MICAL3: variants seen among roughly 807,000 people sequenced by gnomAD.
MICAL3 encodes [F-actin]-monooxygenase MICAL3.
In MICAL3, 62 loss-of-function variants were observed where a neutral mutation model predicts 207.4. The ratio of observed to expected loss-of-function variants is 0.30; its 90% CI spans 0.24 to 0.37. The LOEUF (loss-of-function observed/expected upper bound fraction) is 0.37, where lower values mean the gene tolerates loss of function less well. Among genes scored for constraint, MICAL3 ranks in the 10% least tolerant of loss-of-function variants. MICAL3 has a pLI of 1.00. For synonymous variants in MICAL3, 1,077 were observed against 1,069.3 expected (o/e 1.01, Z -0.14); for missense variants, 2,368 against 2,635.6 (o/e 0.90, Z 2.22).
intron 20 of MICAL3, 69 bp from the exon 21 acceptor site, chr22:17,832,176 C>T: frequency 1.3e-6 from 2 of 1,518,438 alleles, no homozygotes; most frequent in Non-Finnish European, 1.8e-6. Flanking sequence ...AGGGGAAGGG[C>T]CACCATCAGA....
Position 17,817,307 on chromosome 22 carries a change from G to A in MICAL3, c.5350+4C>T, listed in dbSNP as rs1174754605. 1.3e-5 allele frequency: 21 copies of A among 1,585,444 alleles called. No individual in the cohort carries two copies. The highest frequency in any genetic ancestry group is 1.7e-5 in the Non-Finnish European group (20 of 1,165,952). The stretch of plus-strand genomic sequence containing the variant: ...CCTGCACGCGGACCCGGCTGCTGAC[G>A]CACCTGCCCTTACGACGGGAAGCAC... On this transcript the variant is annotated splice_donor_region_variant and intron_variant, in intron 26 of 31. Coordinates refer to ENST00000441493, the MANE Select transcript of MICAL3 (RefSeq NM_015241.3).
chr22:17,984,586 G>A (rs896449433), intron 1 of MICAL3, among the ~76,000 whole-genome samples: 12 of 150,820 alleles, frequency 8.0e-5, no homozygotes, highest in African/African-American at 2.9e-4. Context: ...ACACAGATGG[G>A]CTGCTTTGCC....
chr22:18,024,215 T>A (rs376995385), intron 1 of MICAL3, 66 bp downstream of exon 1: 3 of 152,360 alleles, frequency 2.0e-5, no homozygotes, highest in South Asian at 2.1e-4. Flanking sequence ...TTAGAAGACA[T>A]CCAGCAAAAC....
intron 29 of MICAL3, among the ~76,000 whole-genome samples, chr22:17,802,049 T>G (rs550150530): frequency 1.3e-5 from 2 of 150,340 alleles, no homozygotes; most frequent in East Asian, 3.9e-4. Context: ...CAGGAGATTC[T>G]GAATGTAAAC....
intron 1 of MICAL3, among the ~76,000 whole-genome samples, chr22:17,929,265 AT>A (rs71201889): frequency 0.38 from 51,174 of 133,320 alleles, 9,890 homozygotes; most frequent in South Asian, 0.49. Context: ...CGCCTGGCTA[AT>A]TTTTTTTTTT....
intron 20 of MICAL3, among the ~76,000 whole-genome samples, chr22:17,839,306 G>A (rs1370650326): frequency 1.9e-5 from 2 of 105,584 alleles, no homozygotes; most frequent in East Asian, 2.4e-4. Flanking sequence ...TGCCCAGGCT[G>A]GAGTGCAGTG....
At chr22:17,957,989 T>C (rs1934715099) in intron 1 of MICAL3, among the ~76,000 whole-genome samples, 2 of 151,990 alleles carry the variant, frequency 1.3e-5, no homozygotes, top group African/African-American at 4.8e-5. Context: ...GGAAGATTCA[T>C]CCCAAAAAAC....
Position 17,826,721 on chromosome 22 carries a change from C to T in MICAL3, c.3193+923G>A, listed in dbSNP as rs557910712. 4.4e-3 allele frequency among the ~76,000 whole-genome samples: 651 copies of T among 147,516 alleles called. 7 individuals are homozygous for T. The highest frequency in any genetic ancestry group is 4.4e-3 in the Non-Finnish European group (289 of 65,928). The stretch of plus-strand genomic sequence containing the variant: ...CAGGATGAGAAGAGAAGAGGGAAAA[C>T]CCAAGGTAGGGCCACCGCCGGCCCA... On this transcript the variant is annotated intron_variant, in intron 22 of 31. Coordinates refer to ENST00000441493, the MANE Select transcript of MICAL3 (RefSeq NM_015241.3).
intron 28 of MICAL3, 75 bp from the exon 29 acceptor site, chr22:17,809,012 A>C: frequency 2.5e-5 from 31 of 1,246,634 alleles, no homozygotes; most frequent in African/African-American, 4.4e-5. Context: ...CCACACCCAC[A>C]CGAGGGGAAA....
Position 17,790,577 on chromosome 22 carries a change from C to T in MICAL3, c.*155G>A. The T allele has an allele frequency of 1.5e-6, 1 of 680,426 alleles. No homozygotes were observed. 42.1% of individuals were successfully genotyped at this position (680,426 alleles called of 1,614,324 possible). A position where few individuals can be genotyped will look rare whatever the true frequency, so the allele number is the denominator to read the frequency against. ...CACTGTCACCTGGGGCTCCCCACTG[C>T]ACGCGGGACTCGACCACTTTCCAAG... On this transcript the variant is annotated 3_prime_UTR_variant, in exon 32 of 32. Coordinates refer to ENST00000441493, the MANE Select transcript of MICAL3 (RefSeq NM_015241.3).
At chr22:17,997,688 T>A (rs1215489885) in intron 1 of MICAL3, among the ~76,000 whole-genome samples, 6 of 152,114 alleles carry the variant, frequency 3.9e-5, no homozygotes, top group Non-Finnish European at 8.8e-5. Context: ...CTGCTTTCAG[T>A]CAAGGCTTTG....
chr22:17,995,672 A>G (rs1347980670), intron 1 of MICAL3, among the ~76,000 whole-genome samples: 1 of 150,996 alleles, frequency 6.6e-6, no homozygotes, highest in Non-Finnish European at 1.5e-5. Flanking sequence ...ACACCTGGCT[A>G]TTTTTTGTAT....
intron 26 of MICAL3, 111 bp from the exon 27 acceptor site, chr22:17,816,895 AT>A: frequency 1.2e-6 from 1 of 808,256 alleles, no homozygotes. Flanking sequence ...GGCTGGATTC[AT>A]TTTAGTTTAA....
chr22:17,791,370 G>T lies in MICAL3; in HGVS notation c.5651-69C>A, dbSNP rs1324878191. On this transcript the variant is annotated intron_variant, in intron 29 of 31. Transcript: ENST00000441493. ...CACCCTGGCCCGCAGGAATCACACG[G>T]GGCAAATGTGCAAAGAGGGCCGAGC... 2.3e-6 allele frequency: 3 copies of T among 1,323,968 alleles called. No homozygotes were observed. The East Asian group carries it at 7.3e-5, about 32-fold the overall frequency. The allele number at this position is 1,323,968 out of a possible 1,614,324, so 82.0% of individuals were successfully genotyped here.
chr22:18,014,164 G>A (rs1240628716), intron 1 of MICAL3, among the ~76,000 whole-genome samples: 3 of 151,860 alleles, frequency 2.0e-5, no homozygotes, highest in East Asian at 3.9e-4. Flanking sequence ...TCCTGTCTGT[G>A]GAAGTCCTAC....
At chr22:17,876,427 T>C (rs1358133429) in intron 16 of MICAL3, 1 of 152,432 alleles carries the variant, frequency 6.6e-6, no homozygotes, top group East Asian at 1.9e-4. Flanking sequence ...GTGCACTTCA[T>C]AGCTCCGTGG....
chr22:17,821,357 A>C, intron 25 of MICAL3, 70 bp downstream of exon 25: 1 of 1,373,740 alleles, frequency 7.3e-7, no homozygotes, highest in Non-Finnish European at 9.9e-7. Context: ...GCCCTGAAAC[A>C]GAGAAGTTAA....
rs527278461 is a variant in MICAL3, at chr22:17,882,343, C to T, written c.2241+3535G>A. ...TGTCAACTCAGCTATCACTGTCCTACCAGGCAATGCCCTCCTGCCTCTGAA... is the reference window on the plus strand; with the variant it reads ...TGTCAACTCAGCTATCACTGTCCTATCAGGCAATGCCCTCCTGCCTCTGAA... On this transcript the variant is annotated intron_variant, in intron 16 of 31. Coordinates refer to ENST00000441493, the MANE Select transcript of MICAL3 (RefSeq NM_015241.3). Among the ~76,000 whole-genome samples the T allele has an allele frequency of 9.2e-5, 14 of 152,308 alleles. No individual in the cohort carries two copies. In the East Asian group the frequency reaches 2.3e-3, roughly 25 times the overall value.
chr22:17,884,721 G>A (rs995954568), intron 16 of MICAL3, among the ~76,000 whole-genome samples: 2 of 152,256 alleles, frequency 1.3e-5, no homozygotes, highest in South Asian at 4.1e-4. Flanking sequence ...TTCCTCTAAC[G>A]GACAGCATTC....
Sources: gnomAD v4.1 joint callset for allele counts (sites outside exome capture counted in the v4.1 genomes callset) on GRCh38, gnomAD v4.1.1 for gene constraint, MANE v1.5 for transcripts, NCBI Gene and HGNC (gene_info 2026-07-23, HGNC 2026-07-21) for gene names.